The following FAT3 variants were observed in gnomAD, a reference collection of about 807,000 sequenced individuals.
FAT3 encodes FAT atypical cadherin 3, also known as protocadherin Fat 3.
In FAT3, 95 loss-of-function variants were observed where a neutral mutation model predicts 310.2. That is an observed-to-expected ratio of 0.31 (90% CI 0.26 to 0.36). FAT3 has a LOEUF of 0.36. Ranked by LOEUF, FAT3 falls within the 10% of genes least tolerant of loss-of-function variation. FAT3 has a pLI of 1.00. For synonymous variants in FAT3, 2,314 were observed against 2,192.9 expected, an observed-to-expected ratio of 1.06 and a Z score of -1.54; for missense variants, 5,408 against 5,715.6, an observed-to-expected ratio of 0.95 and a Z score of 1.74.
chr11:92,228,203 G>GGCT (rs1365935394), intron 1 of FAT3, among the ~76,000 whole-genome samples: 1 of 152,184 alleles, frequency 6.6e-6, no homozygotes, highest in East Asian at 1.9e-4. Flanking sequence ...CATCTCTTGT[G>GGCT]GCTGCAGGAT....
At chr11:92,331,257 G>A (rs1255994104) in intron 1 of FAT3, among the ~76,000 whole-genome samples, 2 of 151,484 alleles carry the variant, frequency 1.3e-5, no homozygotes, top group Non-Finnish European at 2.9e-5. Context: ...ATAATGAAAT[G>A]CAGTGCATAT....
intron 2 of FAT3, among the ~76,000 whole-genome samples, chr11:92,478,952 CT>C (rs141860451): frequency 0.028 from 2,472 of 89,224 alleles, 84 homozygotes; most frequent in Non-Finnish European, 0.035. Flanking sequence ...TTCTTTCTTT[CT>C]TTTCTTTTCT....
Position 92,695,799 on chromosome 11 carries a change from A to G in FAT3, c.3608-1585A>G, listed in dbSNP as rs143177921. 2.5e-4 allele frequency among the ~76,000 whole-genome samples: 38 copies of G among 152,284 alleles called. 1 individual carries two copies. The East Asian group carries it at 4.8e-3, about 19-fold the overall frequency. On this transcript the variant is annotated intron_variant, in intron 3 of 27. Transcript: ENST00000525166. The stretch of plus-strand genomic sequence containing the variant: ...TGACATGTGAACAAAGGATTCTAGT[A>G]TAAGGCAGAGATCAATAATGGAGAG...
intron 1 of FAT3, among the ~76,000 whole-genome samples, chr11:92,265,949 C>A (rs555107229): frequency 1.3e-5 from 2 of 152,108 alleles, no homozygotes. Flanking sequence ...ACGCTCCAGA[C>A]CTCTTTTTCC....
chr11:92,801,603 G>T lies in FAT3; in HGVS notation c.8590G>T (p.Glu2864Ter). Residue 2864 changes from glutamate to a stop codon, truncating the protein, a stop_gained, in exon 10 of 28, where the codon GAA becomes TAA. Transcript: ENST00000525166. LOFTEE classifies it high-confidence loss of function. Reference protein sequence around the residue: ...HSDSQPEKVMEAFNIDSNTGW... With the variant: ...HSDSQPEKVM The stretch of plus-strand genomic sequence containing the variant: ...GGATTCCCAGCCCGAAAAGGTAATG[G>T]AAGCATTCAATATTGACAGCAACAC... The T allele has an allele frequency of 6.2e-7, 1 of 1,613,036 alleles. No homozygotes were observed. The highest frequency in any genetic ancestry group is 8.5e-7 in the Non-Finnish European group (1 of 1,179,488).
intron 4 of FAT3, among the ~76,000 whole-genome samples, chr11:92,749,899 CAT>C (rs1216038064): frequency 6.6e-6 from 1 of 152,190 alleles, no homozygotes; most frequent in East Asian, 1.9e-4. Flanking sequence ...AGAAGGGTAA[CAT>C]ATTATTAGTA....
chr11:92,594,066 G>A (rs532193173), intron 3 of FAT3, among the ~76,000 whole-genome samples: 1 of 152,280 alleles, frequency 6.6e-6, no homozygotes, highest in South Asian at 2.1e-4. Flanking sequence ...TGTGGCACCA[G>A]AACCAGAGTC....
Position 92,765,074 on chromosome 11 carries a change from T to G in FAT3, c.4180T>G (p.Trp1394Gly). The change falls in exon 6 of 28, where the codon TGG (tryptophan) becomes GGG (glycine). Residue 1394 changes from tryptophan to glycine, a missense_variant. Transcript: ENST00000525166. The part of the protein sequence containing the change: ...VSVQPANTPL[W>G]FDIVGGNFDS... ...TGTGCAGCCAGCTAACACCCCTCTGTGGTTTGACATAGTTGGTAAGTTCGA... is the reference window on the plus strand; with the variant it reads ...TGTGCAGCCAGCTAACACCCCTCTGGGGTTTGACATAGTTGGTAAGTTCGA... 1 of 1,612,748 alleles carries G rather than the reference T, an allele frequency of 6.2e-7. No homozygotes were observed. The highest frequency in any genetic ancestry group is 8.5e-7 in the Non-Finnish European group (1 of 1,179,618).
intron 5 of FAT3, 67 bp from the exon 6 acceptor site, chr11:92,764,812 G>T: frequency 6.8e-7 from 1 of 1,461,956 alleles, no homozygotes; most frequent in South Asian, 1.3e-5. Flanking sequence ...CAACATGAGT[G>T]ACAGATCCAA....
chr11:92,513,604 C>T (rs1953379298), intron 2 of FAT3, among the ~76,000 whole-genome samples: 1 of 152,122 alleles, frequency 6.6e-6, no homozygotes, highest in African/African-American at 2.4e-5. Context: ...TATTTCTTTG[C>T]ACCTTCCTAT....
chr11:92,425,253 G>A (rs992213701), intron 2 of FAT3, among the ~76,000 whole-genome samples: 1 of 151,898 alleles, frequency 6.6e-6, no homozygotes, highest in Non-Finnish European at 1.5e-5. Context: ...TAGGATTATA[G>A]CATTTTCAAT....
chr11:92,373,760 GCACACACACACACACACACACA>G (rs57651290), intron 2 of FAT3, among the ~76,000 whole-genome samples: 2,834 of 130,066 alleles, frequency 0.022, 71 homozygotes, highest in African/African-American at 0.06. Flanking sequence ...AGATATGTAT[GCACACACACACACACACACACA>G]CACACACACA....
intron 15 of FAT3, among the ~76,000 whole-genome samples, chr11:92,835,863 A>G (rs1403534348): frequency 6.6e-5 from 10 of 152,162 alleles, no homozygotes. Flanking sequence ...TATCCTGAGA[A>G]CACAGATTCT....
intron 1 of FAT3, among the ~76,000 whole-genome samples, chr11:92,296,059 C>T (rs1946838589): frequency 6.6e-6 from 1 of 152,104 alleles, no homozygotes; most frequent in Non-Finnish European, 1.5e-5. Context: ...CAGGTTTCCC[C>T]TGGCTCAATG....
chr11:92,304,587 T>C (rs1947074910), intron 1 of FAT3, among the ~76,000 whole-genome samples: 1 of 152,088 alleles, frequency 6.6e-6, no homozygotes, highest in African/African-American at 2.4e-5. Flanking sequence ...CCTCTGCAGT[T>C]GTCTGTCAGT....
intron 1 of FAT3, among the ~76,000 whole-genome samples, chr11:92,349,639 C>A (rs931764999): frequency 6.6e-6 from 1 of 152,206 alleles, no homozygotes; most frequent in Non-Finnish European, 1.5e-5. Context: ...TGAGCAGGGT[C>A]ACCAGCGGCC....
chr11:92,878,635 A>T (rs1386310010), intron 22 of FAT3, among the ~76,000 whole-genome samples: 2 of 62,432 alleles, frequency 3.2e-5, no homozygotes, highest in Non-Finnish European at 5.7e-5. Context: ...GTTATGTGTT[A>T]AAAAAAAAAA....
chr11:92,751,392 A>T (rs1212869352), intron 4 of FAT3, among the ~76,000 whole-genome samples: 2 of 152,250 alleles, frequency 1.3e-5, no homozygotes, highest in African/African-American at 2.4e-5. Context: ...AATAAGACGT[A>T]GAGAGAAACC....
intron 4 of FAT3, among the ~76,000 whole-genome samples, chr11:92,731,708 A>G (rs1477975239): frequency 6.6e-6 from 1 of 151,726 alleles, no homozygotes; most frequent in Non-Finnish European, 1.5e-5. Context: ...TTGGGAAAAA[A>G]AAAAGCCCTT....
Sources: allele counts gnomAD v4.1 joint callset (sites outside exome capture counted in the v4.1 genomes callset), GRCh38; gene constraint gnomAD v4.1.1; transcripts MANE v1.5; gene names NCBI Gene and HGNC (gene_info 2026-07-23, HGNC 2026-07-21).